NAALADL2: variants seen among roughly 807,000 people sequenced by gnomAD.
NAALADL2 encodes N-acetylated alpha-linked acidic dipeptidase like 2.
Under a neutral mutation model 87.2 loss-of-function variants are expected in NAALADL2, and 76 were observed. The ratio of observed to expected loss-of-function variants is 0.87; its 90% confidence interval spans 0.72 to 1.05. The LOEUF (loss-of-function observed/expected upper bound fraction) is 1.05. NAALADL2 is among the 50% of genes least tolerant of loss of function. The pLI is 0.00. For synonymous variants in NAALADL2, 354 were observed against 331.0 expected, an observed-to-expected ratio of 1.07 and a Z score of -0.75; for missense variants, 1,089 against 945.8, an observed-to-expected ratio of 1.15 and a Z score of -1.99.
intron 1 of NAALADL2, chr3:174,536,625 C>T (rs942194234): frequency 4.6e-5 from 7 of 152,132 alleles, no homozygotes; most frequent in African/African-American, 1.7e-4. Flanking sequence ...TTTTAGATCT[C>T]CCAGCTGGAC....
At chr3:174,706,399 G>A (rs1164358891) in intron 2 of NAALADL2, among the ~76,000 whole-genome samples, 1 of 152,200 alleles carries the variant, frequency 6.6e-6, no homozygotes, top group Non-Finnish European at 1.5e-5. Flanking sequence ...GGGATCTACA[G>A]TGGTTTCCTA....
At chr3:175,616,171 A>C (rs1725324466) in intron 10 of NAALADL2, among the ~76,000 whole-genome samples, 1 of 147,912 alleles carries the variant, frequency 6.8e-6, no homozygotes, top group Non-Finnish European at 1.5e-5. Flanking sequence ...TATAATATAA[A>C]TGTGTCTATA....
chr3:175,718,748 A>G, intron 11 of NAALADL2: 2 of 1,021,880 alleles, frequency 2.0e-6, no homozygotes, highest in African/African-American at 1.6e-5. Flanking sequence ...CAACATAGCA[A>G]GACTCTGTCT....
intron 2 of NAALADL2, among the ~76,000 whole-genome samples, chr3:175,214,861 A>C (rs1742273790): frequency 6.6e-6 from 1 of 152,184 alleles, no homozygotes; most frequent in African/African-American, 2.4e-5. Flanking sequence ...ATTCTTGTAC[A>C]TTAGTTTGGA....
At chr3:175,323,050 G>A (rs1229102213) in intron 4 of NAALADL2, among the ~76,000 whole-genome samples, 3 of 149,438 alleles carry the variant, frequency 2.0e-5, no homozygotes, top group Non-Finnish European at 3.0e-5. Flanking sequence ...TATGTTTATT[G>A]CGGCACTATT....
chr3:174,697,661 T>C (rs374359502), intron 2 of NAALADL2, among the ~76,000 whole-genome samples: 15 of 152,320 alleles, frequency 9.8e-5, no homozygotes, highest in African/African-American at 3.1e-4. Flanking sequence ...TTAAATTGTT[T>C]CAGTGACTCC....
chr3:174,454,647 A>G (rs1577947692), intron 1 of NAALADL2, among the ~76,000 whole-genome samples: 1 of 152,312 alleles, frequency 6.6e-6, no homozygotes, highest in Middle Eastern at 3.4e-3. Context: ...CTTTTGTGTC[A>G]ATAATGAAAT....
chr3:174,855,482 C>T (rs1312447956), upstream of NAALADL2, among the ~76,000 whole-genome samples: 1 of 152,038 alleles, frequency 6.6e-6, no homozygotes, highest in Non-Finnish European at 1.5e-5. Flanking sequence ...ATCCTTCTAA[C>T]TCTTAATGTT....
intron 5 of NAALADL2, among the ~76,000 whole-genome samples, chr3:175,396,795 A>C (rs560261430): frequency 3.6e-4 from 55 of 152,050 alleles, no homozygotes; most frequent in Non-Finnish European, 5.7e-4. Context: ...TTTTATAAGG[A>C]GCTTCCCCCA....
chr3:175,412,574 G>A (rs1022206352), intron 5 of NAALADL2, among the ~76,000 whole-genome samples: 1 of 151,992 alleles, frequency 6.6e-6, no homozygotes, highest in African/African-American at 2.4e-5. Flanking sequence ...ATATCTCATT[G>A]CTTGGCATTA....
At chr3:174,859,756 G>A (rs1452815569) in intron 1 of NAALADL2, among the ~76,000 whole-genome samples, 1 of 152,064 alleles carries the variant, frequency 6.6e-6, no homozygotes, top group Non-Finnish European at 1.5e-5. Flanking sequence ...TGGAGAAATG[G>A]TATAACCAAC....
chr3:175,620,666 C>T (rs905407554), intron 10 of NAALADL2, among the ~76,000 whole-genome samples: 1 of 152,180 alleles, frequency 6.6e-6, no homozygotes, highest in Non-Finnish European at 1.5e-5. Context: ...CTGCTGCCTG[C>T]AGCTCAGCGA....
intron 2 of NAALADL2, among the ~76,000 whole-genome samples, chr3:175,135,833 T>A (rs1472021999): frequency 6.6e-6 from 1 of 152,158 alleles, no homozygotes; most frequent in Non-Finnish European, 1.5e-5. Flanking sequence ...TGGAAGTTGT[T>A]CTGAGAGCAG....
At chr3:175,411,611 A>C (rs1223469330) in intron 5 of NAALADL2, among the ~76,000 whole-genome samples, 1 of 152,152 alleles carries the variant, frequency 6.6e-6, no homozygotes, top group Non-Finnish European at 1.5e-5. Flanking sequence ...TTGTAATCAT[A>C]GAGAGTGATT....
intron 2 of NAALADL2, among the ~76,000 whole-genome samples, chr3:175,103,578 C>T (rs1722606221): frequency 6.6e-6 from 1 of 152,066 alleles, no homozygotes; most frequent in Non-Finnish European, 1.5e-5. Context: ...CCTCAGAATC[C>T]TTCTCCACCC....
chr3:175,754,957 T>C (rs572663838), intron 12 of NAALADL2, among the ~76,000 whole-genome samples: 8 of 152,300 alleles, frequency 5.3e-5, no homozygotes, highest in Non-Finnish European at 1.2e-4. Flanking sequence ...TGAGACAGAA[T>C]GCTTTGGGCA....
intron 4 of NAALADL2, among the ~76,000 whole-genome samples, chr3:175,285,702 A>G (rs1443773001): frequency 6.6e-6 from 1 of 152,162 alleles, no homozygotes; most frequent in African/African-American, 2.4e-5. Flanking sequence ...TTTCAGTATC[A>G]TATTTTATAA....
chr3:174,727,632 TC>T (rs1732328539), intron 2 of NAALADL2, among the ~76,000 whole-genome samples: 2 of 152,048 alleles, frequency 1.3e-5, no homozygotes, highest in South Asian at 4.1e-4. Context: ...CATGTATCCC[TC>T]CCCAACCCCA....
intron 3 of NAALADL2, among the ~76,000 whole-genome samples, chr3:174,797,322 T>TTTTTTTTTTTTTTTTTC: frequency 7.5e-6 from 1 of 133,646 alleles, no homozygotes; most frequent in African/African-American, 3.0e-5. Context: ...TTTTTTTTTT[T>TTTTTTTTTTTTTTTTTC]TTTTTTTGAG....
Sources: gnomAD v4.1 joint callset for allele counts (sites outside exome capture counted in the v4.1 genomes callset) on GRCh38, gnomAD v4.1.1 for gene constraint, MANE v1.5 for transcripts, NCBI Gene and HGNC (gene_info 2026-07-23, HGNC 2026-07-21) for gene names.